STK33: variants seen among roughly 807,000 people sequenced by gnomAD.
STK33 encodes the protein serine/threonine kinase 33.
Under a neutral mutation model 58.0 loss-of-function variants are expected in STK33, and 52 were observed. The observed-to-expected ratio is 0.90, with a 90% CI of 0.72 to 1.13. The LOEUF is 1.13. Among genes scored for constraint, STK33 ranks in the 50% most tolerant of loss-of-function variants. The pLI, the probability that STK33 is intolerant of heterozygous loss-of-function variation, is 0.00. For synonymous variants in STK33, 215 were observed against 200.1 expected (o/e 1.07, Z -0.63); for missense variants, 630 against 604.2 (o/e 1.04, Z -0.45).
At chr11:8,361,796 G>A in the STK33 span, among the ~76,000 whole-genome samples, 1 of 152,246 alleles carries the variant, frequency 6.6e-6, no homozygotes, top group African/African-American at 2.4e-5. The surrounding 1 kb of genome is among the most constrained non-coding windows in gnomAD (Gnocchi z 4.8). Flanking sequence ...CAGCAGCACA[G>A]TGGCATGGAG....
chr11:8,544,348 T>C (rs1260286910), intron 1 of STK33, among the ~76,000 whole-genome samples: 1 of 145,466 alleles, frequency 6.9e-6, no homozygotes, highest in South Asian at 2.1e-4. Flanking sequence ...ATTATATATA[T>C]AATTATATAT....
chr11:8,370,533 C>A, the STK33 span, among the ~76,000 whole-genome samples: 1 of 152,184 alleles, frequency 6.6e-6, no homozygotes, highest in African/African-American at 2.4e-5. Flanking sequence ...CTGGTGCTTT[C>A]TCCACTTAGG....
At chr11:8,583,424 G>T (rs2141388306) in intron 1 of STK33, among the ~76,000 whole-genome samples, 1 of 152,294 alleles carries the variant, frequency 6.6e-6, no homozygotes, top group African/African-American at 2.4e-5. Flanking sequence ...ATGTAGGAAA[G>T]GATCAAACTC....
chr11:8,349,310 T>C, the STK33 span, among the ~76,000 whole-genome samples: 6 of 152,250 alleles, frequency 3.9e-5, no homozygotes, highest in East Asian at 1.2e-3. Context: ...ATTATTGTTA[T>C]TTTCCCATTT....
At chr11:8,544,049 T>C (rs539394904) in intron 1 of STK33, among the ~76,000 whole-genome samples, 2 of 152,184 alleles carry the variant, frequency 1.3e-5, no homozygotes, top group South Asian at 2.1e-4. Flanking sequence ...CTGGGATATA[T>C]GTGCAGAATG....
At chr11:8,510,023 A>T (rs954847958) in intron 1 of STK33, among the ~76,000 whole-genome samples, 5 of 152,206 alleles carry the variant, frequency 3.3e-5, no homozygotes, top group Non-Finnish European at 7.4e-5. Flanking sequence ...GATACTCAGC[A>T]GTGGGATTGC....
chr11:8,462,376 T>TTTTGA lies in STK33; in HGVS notation c.454-472_454-468dup, dbSNP rs1390345124. On this transcript the variant is annotated intron_variant, in intron 7 of 15. Coordinates refer to ENST00000687296, the MANE Select transcript of STK33 (RefSeq NM_001352389.2). ...TTTTCTTTGTTTTGCTGTTGTCTTGTTTTGATTTGATTATATATATATATA... is the reference window on the plus strand; with the variant it reads ...TTTTCTTTGTTTTGCTGTTGTCTTGTTTTGATTTGATTTGATTATATATATATATA... Among the ~76,000 whole-genome samples, 24 of 150,792 alleles carry TTTTGA rather than the reference T, an allele frequency of 1.6e-4. 2 individuals are homozygous for TTTTGA. The highest frequency in any genetic ancestry group is 1.4e-3 in the East Asian group (7 of 5,162).
chr11:8,357,152 A>G, the STK33 span, among the ~76,000 whole-genome samples: 3 of 152,238 alleles, frequency 2.0e-5, no homozygotes, highest in Non-Finnish European at 2.9e-5. Flanking sequence ...CTCTGCTCCA[A>G]GTAATTACAG....
intron 2 of STK33, among the ~76,000 whole-genome samples, chr11:8,477,731 TTCA>T (rs1949416841): frequency 6.6e-6 from 1 of 152,170 alleles, no homozygotes; most frequent in African/African-American, 2.4e-5. Flanking sequence ...TCCTTTAATT[TTCA>T]TCAATTTTTC....
chr11:8,534,491 G>A (rs180970122), intron 1 of STK33, among the ~76,000 whole-genome samples: 41 of 151,162 alleles, frequency 2.7e-4, no homozygotes, highest in African/African-American at 9.2e-4. Flanking sequence ...TTGATCATAA[G>A]GGTATTATTT....
At chr11:8,519,959 T>C (rs1372127089) in intron 1 of STK33, among the ~76,000 whole-genome samples, 3 of 152,094 alleles carry the variant, frequency 2.0e-5, no homozygotes, top group African/African-American at 2.4e-5. Flanking sequence ...TTTCAATCAA[T>C]AGAAAAAGAG....
chr11:8,511,240 T>A (rs1337196273), intron 1 of STK33, among the ~76,000 whole-genome samples: 5 of 152,176 alleles, frequency 3.3e-5, no homozygotes, highest in Non-Finnish European at 7.4e-5. Context: ...TATTTTATTA[T>A]TTTTTGCAGC....
At chr11:8,429,525 G>A (rs1168971859) in intron 14 of STK33, among the ~76,000 whole-genome samples, 4 of 151,934 alleles carry the variant, frequency 2.6e-5, no homozygotes, top group Non-Finnish European at 5.9e-5. Context: ...TTCTTTCTCA[G>A]GTCTTCTTTC....
intron 15 of STK33, among the ~76,000 whole-genome samples, chr11:8,396,561 A>G (rs1231766694): frequency 2.0e-5 from 3 of 152,196 alleles, no homozygotes; most frequent in African/African-American, 7.2e-5. Flanking sequence ...GACGCAGAAG[A>G]TGGGTGATTT....
At chr11:8,586,510 C>A (rs1315936857) in intron 1 of STK33, among the ~76,000 whole-genome samples, 1 of 152,180 alleles carries the variant, frequency 6.6e-6, no homozygotes, top group Admixed American at 6.6e-5. Context: ...TGTTATAGCA[C>A]CTGCCTCAGG....
In STK33 at chr11:8,436,115, CA is replaced by C; in HGVS notation, c.971del (p.Leu324TrpfsTer11). On this transcript the variant is annotated frameshift_variant, in exon 13 of 16. Transcript: ENST00000687296. LOFTEE classifies it high-confidence loss of function. Reference sequence around the variant, plus strand: ...CAAAAAGCTTCTCTTCTGAGCTTGCCAAAAAGGGTGGTTCTCCACGTAATCT... The same window carrying C: ...CAAAAAGCTTCTCTTCTGAGCTTGCCAAAAGGGTGGTTCTCCACGTAATCT... ...YMLLRGEPPFLASSEEKLFEL... is the reference protein window; with the variant it reads ...YMLLRGEPPFXASSEEKLFEL... 1.3e-6 allele frequency: 2 copies of C among 1,580,166 alleles called. No homozygotes were observed. The highest frequency in any genetic ancestry group is 1.7e-6 in the Non-Finnish European group (2 of 1,164,844).
chr11:8,549,236 A>C (rs1956146337), intron 1 of STK33, among the ~76,000 whole-genome samples: 1 of 152,098 alleles, frequency 6.6e-6, no homozygotes, highest in African/African-American at 2.4e-5. Context: ...TGACCATATA[A>C]TTTTTATTCT....
At chr11:8,458,557 A>C (rs1399156025) in intron 8 of STK33, among the ~76,000 whole-genome samples, 1 of 152,138 alleles carries the variant, frequency 6.6e-6, no homozygotes, top group Middle Eastern at 3.2e-3. Flanking sequence ...AAAAATACCA[A>C]CAAGAAAGAA....
chr11:8,557,522 C>T (rs75098069), intron 1 of STK33, among the ~76,000 whole-genome samples: 6,993 of 152,004 alleles, frequency 0.046, 225 homozygotes, highest in Middle Eastern at 0.088. Context: ...ATATACATTC[C>T]TATCTCTCAT....
Sources: allele counts gnomAD v4.1 joint callset (sites outside exome capture counted in the v4.1 genomes callset), GRCh38; gene constraint gnomAD v4.1.1; non-coding constraint Gnocchi (gnomAD v3.1); transcripts MANE v1.5; gene names NCBI Gene and HGNC (gene_info 2026-07-23, HGNC 2026-07-21).